Variants in FHIP1A observed in about 807,000 individuals in gnomAD.
The protein encoded by FHIP1A is FHF complex subunit HOOK interacting protein 1A.
A neutral mutation model predicts 88.6 loss-of-function variants in FHIP1A; 61 were observed. The observed-to-expected ratio is 0.69, with a 90% CI of 0.56 to 0.85. The LOEUF (loss-of-function observed/expected upper bound fraction) is 0.85. Ranked by LOEUF, FHIP1A falls within the 40% of genes least tolerant of loss-of-function variation. The probability of loss-of-function intolerance (pLI) is 0.00; values close to 1 mark genes in which losing one functional copy is unlikely to be tolerated. For synonymous variants in FHIP1A, 478 were observed against 496.0 expected (o/e 0.96, Z 0.48); for missense variants, 1,154 against 1,273.5 (o/e 0.91, Z 1.43).
intron 1 of FHIP1A, among the ~76,000 whole-genome samples, chr4:151,415,507 TG>T (rs1732858675): frequency 6.6e-6 from 1 of 152,182 alleles, no homozygotes. Context: ...AACAGCCTTT[TG>T]TTGGGAATTT....
chr4:151,608,436 G>A (rs1410638391), intron 7 of FHIP1A, among the ~76,000 whole-genome samples: 1 of 152,128 alleles, frequency 6.6e-6, no homozygotes, highest in East Asian at 1.9e-4. Context: ...AATTCTCAGT[G>A]TCACATGTTC....
At chr4:151,630,624 G>C (rs1275346791) in intron 8 of FHIP1A, among the ~76,000 whole-genome samples, 3 of 152,082 alleles carry the variant, frequency 2.0e-5, no homozygotes, top group Non-Finnish European at 2.9e-5. Flanking sequence ...ACTAAAAAAA[G>C]TGGAAAAATC....
At chr4:151,660,251 C>G (rs1254578989) in intron 13 of FHIP1A, among the ~76,000 whole-genome samples, 1 of 152,248 alleles carries the variant, frequency 6.6e-6, no homozygotes, top group Non-Finnish European at 1.5e-5. Context: ...CAGCCAGCCC[C>G]TGGTCTCCCT....
chr4:151,559,192 C>G (rs1017612220), intron 3 of FHIP1A, among the ~76,000 whole-genome samples: 2 of 152,198 alleles, frequency 1.3e-5, no homozygotes, highest in African/African-American at 4.8e-5. Context: ...CGTGCAGGTA[C>G]TTTCCTTTCA....
intron 3 of FHIP1A, among the ~76,000 whole-genome samples, chr4:151,543,988 A>G (rs1445656553): frequency 6.6e-6 from 1 of 152,198 alleles, no homozygotes; most frequent in African/African-American, 2.4e-5. Flanking sequence ...ATCTTTGCTA[A>G]CGTGATAGAT....
At chr4:151,469,958 G>A (rs1299505844) in intron 2 of FHIP1A, among the ~76,000 whole-genome samples, 1 of 152,136 alleles carries the variant, frequency 6.6e-6, no homozygotes, top group Admixed American at 6.5e-5. Flanking sequence ...CCTTAAAATT[G>A]CACATAAAAG....
In FHIP1A at chr4:151,664,021, GAA is replaced by G. The variant is rs1737572974; in HGVS notation, c.*1268_*1269del. On this transcript the variant is annotated 3_prime_UTR_variant, in exon 14 of 14. Coordinates refer to ENST00000435205, the MANE Select transcript of FHIP1A (RefSeq NM_001109977.3). ...AAACCACCACCAAGAGGGGAAAACA[GAA>G]TAATTGTGAGCTGAAAATGAGACCA... is the stretch of plus-strand genomic sequence containing the variant. Among the ~76,000 whole-genome samples the G allele has an allele frequency of 6.6e-6, 1 of 152,160 alleles. No homozygotes were observed. The highest frequency in any genetic ancestry group is 6.5e-5 in the Admixed American group (1 of 15,276).
At chr4:151,651,497 G>T (rs889674281) in intron 11 of FHIP1A, among the ~76,000 whole-genome samples, 1 of 152,176 alleles carries the variant, frequency 6.6e-6, no homozygotes, top group African/African-American at 2.4e-5. Flanking sequence ...AGTGGCCTTG[G>T]ACCAGGCCAG....
chr4:151,422,487 C>T (rs1372619291), intron 1 of FHIP1A, among the ~76,000 whole-genome samples: 1 of 152,070 alleles, frequency 6.6e-6, no homozygotes, highest in East Asian at 1.9e-4. Flanking sequence ...CCTGGGTTCA[C>T]AGGATTCTTG....
intron 3 of FHIP1A, among the ~76,000 whole-genome samples, chr4:151,539,220 C>T (rs1006039722): frequency 1.3e-5 from 2 of 152,106 alleles, no homozygotes; most frequent in African/African-American, 4.8e-5. Flanking sequence ...GCAAGAATAA[C>T]CATGATTAAA....
intron 3 of FHIP1A, among the ~76,000 whole-genome samples, chr4:151,503,960 GT>G (rs1191129403): frequency 6.6e-6 from 1 of 152,134 alleles, no homozygotes; most frequent in African/African-American, 2.4e-5. Context: ...TGTCCCCTGG[GT>G]GCATGAATCC....
chr4:151,500,008 T>C (rs1730593087), intron 3 of FHIP1A, among the ~76,000 whole-genome samples: 1 of 152,232 alleles, frequency 6.6e-6, no homozygotes, highest in African/African-American at 2.4e-5. Context: ...TCTCATTTTC[T>C]TTTGGAAGTC....
At chr4:151,532,152 T>G (rs1311435335) in intron 3 of FHIP1A, among the ~76,000 whole-genome samples, 2 of 152,202 alleles carry the variant, frequency 1.3e-5, no homozygotes, top group Non-Finnish European at 2.9e-5. Flanking sequence ...GTTTTGTCAT[T>G]GCGAAACTGG....
At chr4:151,590,171 C>T (rs139721081) in intron 7 of FHIP1A, among the ~76,000 whole-genome samples, 184 of 152,282 alleles carry the variant, frequency 1.2e-3, no homozygotes, top group African/African-American at 1.6e-3. Context: ...TTTTCCTCTT[C>T]GGAGGAACAC....
At chr4:151,624,684 A>T (rs969010400) in intron 7 of FHIP1A, among the ~76,000 whole-genome samples, 1 of 152,100 alleles carries the variant, frequency 6.6e-6, no homozygotes, top group Non-Finnish European at 1.5e-5. Context: ...TCCTTCCTCA[A>T]ATATTTTAGG....
At chr4:151,541,866 T>C (rs1295065432) in intron 3 of FHIP1A, among the ~76,000 whole-genome samples, 1 of 152,220 alleles carries the variant, frequency 6.6e-6, no homozygotes, top group East Asian at 1.9e-4. Flanking sequence ...ATTACACTTT[T>C]GTCACTTACT....
At position 151,649,618 on chromosome 4, in the gene FHIP1A, A is replaced by G; in HGVS notation, c.1577A>G (p.Asp526Gly). ...RDCRVWSALY[D>G]GDSPDPEMFL... is the part of the protein sequence containing the mutation. ...TGCCGTGTCTGGTCCGCCCTGTATG[A>G]TGGCGACTCCCCCGACCCTGAGATG... Residue 526 changes from aspartate (D) to glycine (G), a missense_variant, in exon 11 of 14, where the codon GAT becomes GGT. Asp to Gly is a moderately conservative substitution (Grantham distance 94). Coordinates refer to ENST00000435205, the MANE Select transcript of FHIP1A (RefSeq NM_001109977.3). The G allele has an allele frequency of 1.9e-6, 3 of 1,551,672 alleles. No homozygotes were observed. Among genetic ancestry groups the G allele is most frequent in the South Asian group, 1.2e-5 (1 of 84,062 alleles).
intron 13 of FHIP1A, among the ~76,000 whole-genome samples, chr4:151,659,257 A>T (rs1430282660): frequency 2.0e-5 from 3 of 152,126 alleles, no homozygotes; most frequent in Non-Finnish European, 4.4e-5. Context: ...TAACTTTTCC[A>T]GGTTAGCCAA....
chr4:151,631,315 A>T (rs1263814243), intron 8 of FHIP1A, among the ~76,000 whole-genome samples: 1 of 152,180 alleles, frequency 6.6e-6, no homozygotes, highest in African/African-American at 2.4e-5. Flanking sequence ...TATCAACCTT[A>T]CAGAAATAAA....
Sources: allele counts gnomAD v4.1 joint callset (sites outside exome capture counted in the v4.1 genomes callset), GRCh38; gene constraint gnomAD v4.1.1; transcripts MANE v1.5; gene names NCBI Gene and HGNC (gene_info 2026-07-23, HGNC 2026-07-21).